The following NFIB variants were observed in gnomAD, a reference collection of about 807,000 sequenced individuals.
NFIB encodes nuclear factor 1 B-type.
A neutral mutation model predicts 61.5 loss-of-function variants in NFIB; 11 were observed. The ratio of observed to expected loss-of-function variants is 0.18; its 90% CI spans 0.11 to 0.30. The LOEUF is 0.30. Among genes scored for constraint, NFIB ranks in the 10% least tolerant of loss-of-function variants. The probability of loss-of-function intolerance (pLI) is 1.00; values close to 1 mark genes in which losing one functional copy is unlikely to be tolerated. For missense variants in NFIB, 471 were observed against 608.9 expected (o/e 0.77, Z 2.38); for synonymous variants, 260 against 216.5 (o/e 1.20, Z -1.76).
the NFIB span, among the ~76,000 whole-genome samples, chr9:14,469,569 T>C: frequency 2.0e-5 from 3 of 152,184 alleles, no homozygotes; most frequent in African/African-American, 7.2e-5. Flanking sequence ...TGCATGCTCC[T>C]AAATCCTTCA....
intron 1 of NFIB, among the ~76,000 whole-genome samples, chr9:14,392,827 A>C (rs1486617367): frequency 6.6e-6 from 1 of 152,234 alleles, no homozygotes; most frequent in African/African-American, 2.4e-5. Flanking sequence ...CACATAGTAC[A>C]TGCTAATACC....
At chr9:14,090,488 A>C (rs1044275382) in intron 10 of NFIB, among the ~76,000 whole-genome samples, 1 of 152,116 alleles carries the variant, frequency 6.6e-6, no homozygotes. Context: ...TACTTCATAA[A>C]TATCTCTATC....
At chr9:14,221,166 T>C (rs952509034) in intron 2 of NFIB, among the ~76,000 whole-genome samples, 2 of 152,188 alleles carry the variant, frequency 1.3e-5, no homozygotes, top group Non-Finnish European at 2.9e-5. Context: ...ACAACCTGGC[T>C]ACTTCCCCAT....
At chr9:14,379,568 T>A (rs1027483347) in intron 1 of NFIB, among the ~76,000 whole-genome samples, 1 of 152,234 alleles carries the variant, frequency 6.6e-6, no homozygotes, top group African/African-American at 2.4e-5. Context: ...CTTATGTCAC[T>A]GTGGTATTAT....
chr9:14,227,748 T>C (rs7029254), intron 2 of NFIB, among the ~76,000 whole-genome samples: 90,159 of 151,510 alleles, frequency 0.6, 28,650 homozygotes, highest in East Asian at 0.84. Context: ...GTGGATACTA[T>C]CATCAACTCC....
chr9:14,415,866 G>T, the NFIB span, among the ~76,000 whole-genome samples: 1 of 152,142 alleles, frequency 6.6e-6, no homozygotes, highest in Non-Finnish European at 1.5e-5. Flanking sequence ...TGGACCTAAT[G>T]GTTTGAAGCC....
intron 2 of NFIB, among the ~76,000 whole-genome samples, chr9:14,189,753 C>T (rs779991295): frequency 6.7e-6 from 1 of 149,928 alleles, no homozygotes; most frequent in African/African-American, 2.5e-5. Context: ...ACTGCCCTAG[C>T]ATATTCCTGG....
At chr9:14,253,368 T>C (rs534180421) in intron 2 of NFIB, among the ~76,000 whole-genome samples, 1 of 152,322 alleles carries the variant, frequency 6.6e-6, no homozygotes, top group South Asian at 2.1e-4. Context: ...CGGGATAATT[T>C]CACAGTTCTC....
intron 6 of NFIB, among the ~76,000 whole-genome samples, chr9:14,137,044 T>C (rs1002803521): frequency 1.3e-5 from 2 of 152,212 alleles, no homozygotes; most frequent in African/African-American, 4.8e-5. Context: ...AATTCATCAG[T>C]AACAAAACCT....
At chr9:14,492,337 T>C in the NFIB span, among the ~76,000 whole-genome samples, 15 of 151,562 alleles carry the variant, frequency 9.9e-5, no homozygotes, top group Admixed American at 9.8e-4. Context: ...CACTCCAGCC[T>C]GGGTGACAGA....
intron 2 of NFIB, among the ~76,000 whole-genome samples, chr9:14,264,724 A>G (rs1400142469): frequency 6.6e-6 from 1 of 152,174 alleles, no homozygotes; most frequent in African/African-American, 2.4e-5. Context: ...AGAGGAGAAA[A>G]GGATTTCAAA....
At chr9:14,225,866 A>G (rs1282461418) in intron 2 of NFIB, among the ~76,000 whole-genome samples, 4 of 152,234 alleles carry the variant, frequency 2.6e-5, no homozygotes, top group African/African-American at 2.4e-5. Context: ...GACTGTATAT[A>G]TAACATTTTG....
At chr9:14,134,490 T>C (rs2040769707) in intron 6 of NFIB, among the ~76,000 whole-genome samples, 1 of 152,170 alleles carries the variant, frequency 6.6e-6, no homozygotes, top group African/African-American at 2.4e-5. Flanking sequence ...ATGTTCACTG[T>C]ATCTCTCTTT....
At chr9:14,502,317 T>C in the NFIB span, among the ~76,000 whole-genome samples, 2 of 152,214 alleles carry the variant, frequency 1.3e-5, no homozygotes, top group East Asian at 1.9e-4. Flanking sequence ...CTTCAAAAAG[T>C]TTAGACTTCT....
chr9:14,143,290 A>G (rs1461037452), intron 6 of NFIB, among the ~76,000 whole-genome samples: 1 of 152,094 alleles, frequency 6.6e-6, no homozygotes, highest in African/African-American at 2.4e-5. Flanking sequence ...ATAAACCTAG[A>G]TTTTGTGTTA....
chr9:14,405,645 G>T, the NFIB span, among the ~76,000 whole-genome samples: 1 of 152,214 alleles, frequency 6.6e-6, no homozygotes, highest in Non-Finnish European at 1.5e-5. Context: ...GCAAGGATTG[G>T]CTTGTTTTCA....
chr9:14,107,361 A>G (rs1470700789), intron 10 of NFIB, among the ~76,000 whole-genome samples: 1 of 151,992 alleles, frequency 6.6e-6, no homozygotes, highest in East Asian at 1.9e-4. Flanking sequence ...GATCATCCTC[A>G]TATCTTAAAA....
the NFIB span, among the ~76,000 whole-genome samples, chr9:14,456,712 T>C: frequency 6.6e-6 from 1 of 152,198 alleles, no homozygotes; most frequent in African/African-American, 2.4e-5. Context: ...TAGCACATTA[T>C]GTTGGCAAAT....
At chr9:14,314,246 C>A (rs1028291346), upstream of NFIB, 8 of 758,236 alleles carry the variant, frequency 1.1e-5, no homozygotes, top group African/African-American at 1.3e-4. Flanking sequence ...GCGCTGATCT[C>A]TGGGGCGGAA....
Sources: gnomAD v4.1 joint callset for allele counts (sites outside exome capture counted in the v4.1 genomes callset) on GRCh38, gnomAD v4.1.1 for gene constraint, MANE v1.5 for transcripts, NCBI Gene and HGNC (gene_info 2026-07-23, HGNC 2026-07-21) for gene names.